MED14: variants seen among roughly 807,000 people sequenced by gnomAD.
MED14 encodes the protein mediator of RNA polymerase II transcription subunit 14.
Under a neutral mutation model 109.0 loss-of-function variants are expected in MED14, and 8 were observed. The observed-to-expected ratio is 0.07, with a 90% CI of 0.04 to 0.13. The LOEUF is 0.13. Among genes scored for constraint, MED14 ranks in the 10% least tolerant of loss-of-function variants. The pLI is 1.00. For missense variants in MED14, 711 were observed against 1,142.4 expected, an observed-to-expected ratio of 0.62 and a Z score of 5.44; for synonymous variants, 399 against 408.7, an observed-to-expected ratio of 0.98 and a Z score of 0.29.
chrX:40,707,180 T>G (rs1025632556), intron 10 of MED14, among the ~76,000 whole-genome samples: 4 of 111,284 alleles, frequency 3.6e-5, no homozygotes, highest in Non-Finnish European at 7.5e-5. Flanking sequence ...ACAGTGAGAC[T>G]CCATTTCTTA....
chrX:40,710,691 C>T (rs1378236554), intron 8 of MED14, among the ~76,000 whole-genome samples: 3 of 95,030 alleles, frequency 3.2e-5, no homozygotes, highest in Non-Finnish European at 6.1e-5. Context: ...AGTAAACTAA[C>T]CTCTCAAACT....
At chrX:40,729,284 A>C (rs747580902) in intron 2 of MED14, 35 bp downstream of exon 2, 1 of 1,185,196 alleles carries the variant, frequency 8.4e-7, no homozygotes, top group East Asian at 3.0e-5. Flanking sequence ...TTGATCAATA[A>C]AGAGACTTTA....
intron 23 of MED14, among the ~76,000 whole-genome samples, chrX:40,670,746 C>T (rs1354256038): frequency 4.1e-5 from 4 of 98,717 alleles, no homozygotes; most frequent in East Asian, 3.1e-4. Context: ...CCGGCCTGGG[C>T]GACAGAGCGA....
intron 23 of MED14, among the ~76,000 whole-genome samples, chrX:40,667,506 T>C (rs1017959933): frequency 1.8e-5 from 2 of 109,255 alleles, no homozygotes; most frequent in African/African-American, 6.7e-5. Flanking sequence ...AAGAACAGAG[T>C]GAACGAGGGG....
At position 40,650,605 on chromosome X, in the gene MED14, G is replaced by A; in HGVS notation, c.*1201C>T. On this transcript the variant is annotated 3_prime_UTR_variant, in exon 31 of 31. Coordinates refer to ENST00000324817, the MANE Select transcript of MED14 (RefSeq NM_004229.4). ...AGTCCCTGACTGACTAGGAAAGACAGCACAGTGCTCCAAAAAGAAACCCTG... is the reference window on the plus strand; with the variant it reads ...AGTCCCTGACTGACTAGGAAAGACAACACAGTGCTCCAAAAAGAAACCCTG... 1.3e-6 allele frequency: 1 copy of A among 754,015 alleles called. No individual in the cohort carries two copies. Among genetic ancestry groups the A allele is most frequent in the Non-Finnish European group, 1.6e-6 (1 of 639,177 alleles). The allele number at this position is 754,015 out of a possible 1,213,427, so 62.1% of individuals were successfully genotyped here.
chrX:40,660,853 A>C (rs1929238166), intron 26 of MED14, among the ~76,000 whole-genome samples: 1 of 113,070 alleles, frequency 8.8e-6, no homozygotes, highest in African/African-American at 3.2e-5. Flanking sequence ...TCTTAGTATG[A>C]AGGTTGCAAA....
chrX:40,680,256 C>T lies in MED14; in HGVS notation c.2611-123G>A, dbSNP rs908754626. 33 of 707,244 alleles carry T rather than the reference C, an allele frequency of 4.7e-5. No individual in the cohort carries two copies. The East Asian group carries it at 7.1e-4, about 15-fold the overall frequency. The allele number at this position is 707,244 out of a possible 1,213,427, so 58.3% of individuals were successfully genotyped here. A position where few individuals can be genotyped will look rare whatever the true frequency, so the allele number is the denominator to read the frequency against. On this transcript the variant is annotated intron_variant, in intron 20 of 30. Coordinates refer to ENST00000324817, the MANE Select transcript of MED14 (RefSeq NM_004229.4). ...TTCTGGCACATTCCATAAAACTTCCCCTTGAAGAGAATGCAAACTAGATCA... is the reference window on the plus strand; with the variant it reads ...TTCTGGCACATTCCATAAAACTTCCTCTTGAAGAGAATGCAAACTAGATCA...
At position 40,680,014 on chromosome X, in the gene MED14, C is replaced by T. The variant is rs770372338; in HGVS notation, c.2730G>A (p.Ser910=). ...AYQCFSILPQ[S]STHIRLAFRN... ...TGAAGGCCAGTCTGATGTGGGTGGA[C>T]GACTGTGGCAGAATGGAGAAGCACT... is the stretch of plus-strand genomic sequence containing the variant. The change falls in exon 21 of 31, where the codon TCG becomes TCA. Residue 910 remains serine (S), a synonymous_variant. Transcript: ENST00000324817. 71 of 1,208,576 alleles carry T rather than the reference C, an allele frequency of 5.9e-5. No individual in the cohort carries two copies. Among genetic ancestry groups the T allele is most frequent in the Non-Finnish European group, 7.5e-5 (67 of 894,293 alleles).
At chrX:40,667,229 A>C (rs1043052907) in intron 23 of MED14, among the ~76,000 whole-genome samples, 1 of 112,154 alleles carries the variant, frequency 8.9e-6, no homozygotes, top group Non-Finnish European at 1.9e-5. Flanking sequence ...AGAATGAGAA[A>C]GACAAGTATC....
chrX:40,672,339 G>A (rs994593325), intron 22 of MED14, among the ~76,000 whole-genome samples: 4 of 111,480 alleles, frequency 3.6e-5, no homozygotes, highest in Non-Finnish European at 7.5e-5. Context: ...CTAAAATCAG[G>A]GTGTGTCTTT....
intron 15 of MED14, among the ~76,000 whole-genome samples, chrX:40,689,139 C>T (rs1392887892): frequency 8.9e-6 from 1 of 111,891 alleles, no homozygotes; most frequent in African/African-American, 3.3e-5. Context: ...TTACAGTATG[C>T]CAGAAAGTCA....
chrX:40,717,520 GTTTCA>G (rs200626854), intron 3 of MED14, among the ~76,000 whole-genome samples: 46 of 99,708 alleles, frequency 4.6e-4, no homozygotes, highest in African/African-American at 1.8e-3. Context: ...TGTTGTTGTT[GTTTCA>G]TTTTGTTTTG....
intron 26 of MED14, among the ~76,000 whole-genome samples, chrX:40,661,611 T>C (rs968576399): frequency 8.9e-6 from 1 of 112,260 alleles, no homozygotes; most frequent in African/African-American, 3.2e-5. Context: ...ATTAAGGGCT[T>C]TACATGAACT....
intron 3 of MED14, among the ~76,000 whole-genome samples, chrX:40,720,281 G>A (rs1931667358): frequency 8.9e-6 from 1 of 111,950 alleles, no homozygotes; most frequent in South Asian, 3.7e-4. Flanking sequence ...CATTGAGGAG[G>A]GCAGGAGAGG....
chrX:40,726,940 T>C lies in MED14; in HGVS notation c.243-89A>G, dbSNP rs913947599. On this transcript the variant is annotated intron_variant, in intron 2 of 30. Transcript: ENST00000324817. ...AGCTAAGCAAAAATAAATAAATAAA[T>C]AAATCAGCCTTTGCTTACAACCACT... The C allele has an allele frequency of 6.5e-6, 5 of 764,632 alleles. No homozygotes were observed. In the African/African-American group the frequency reaches 1.1e-4, roughly 16 times the overall value. 63.0% of individuals were successfully genotyped at this position (764,632 alleles called of 1,213,427 possible). A position where few individuals can be genotyped will look rare whatever the true frequency, so the allele number is the denominator to read the frequency against.
chrX:40,664,110 T>C (rs1033738275), intron 25 of MED14, among the ~76,000 whole-genome samples, 197 bp downstream of exon 25: 1 of 110,557 alleles, frequency 9.0e-6, no homozygotes, highest in Non-Finnish European at 1.9e-5. Flanking sequence ...AACTTCCAGA[T>C]AGGCAAACAT....
chrX:40,655,783 T>G (rs5963828), intron 28 of MED14, among the ~76,000 whole-genome samples: 13 of 112,145 alleles, frequency 1.2e-4, no homozygotes, highest in African/African-American at 3.9e-4. Context: ...GTTGAGACTA[T>G]TAGCAAAAGA....
intron 12 of MED14, 24 bp downstream of exon 12, chrX:40,701,141 C>G (rs750601205): frequency 9.1e-7 from 1 of 1,102,039 alleles, no homozygotes; most frequent in Admixed American, 2.3e-5. Flanking sequence ...CATTTTTAGT[C>G]TTGAGCTATA....
Position 40,651,247 on chromosome X carries a change from A to G in MED14, c.*559T>C. Reference sequence around the variant, plus strand: ...GGCCTAAGATGTCTCTAGAGTTTATATACACACAAGTGAGTGTCACTGTTT... The same window carrying G: ...GGCCTAAGATGTCTCTAGAGTTTATGTACACACAAGTGAGTGTCACTGTTT... On this transcript the variant is annotated 3_prime_UTR_variant, in exon 31 of 31. Coordinates refer to ENST00000324817, the MANE Select transcript of MED14 (RefSeq NM_004229.4). The G allele has an allele frequency of 1.3e-6, 1 of 753,775 alleles. No homozygotes were observed. Among genetic ancestry groups the G allele is most frequent in the Non-Finnish European group, 1.6e-6 (1 of 638,351 alleles). 62.1% of individuals were successfully genotyped at this position (753,775 alleles called of 1,213,427 possible).
Sources: gnomAD v4.1 joint callset for allele counts (sites outside exome capture counted in the v4.1 genomes callset) on GRCh38, gnomAD v4.1.1 for gene constraint, MANE v1.5 for transcripts, NCBI Gene and HGNC (gene_info 2026-07-23, HGNC 2026-07-21) for gene names.